GPRC5B: variants seen among roughly 807,000 people sequenced by gnomAD.
GPRC5B encodes G protein-coupled receptor class C group 5 member B, also known as G protein-coupled receptor family C group 5 member B.
A neutral mutation model predicts 30.1 loss-of-function variants in GPRC5B; 16 were observed. That is an observed-to-expected ratio of 0.53 (90% CI 0.36 to 0.81). The LOEUF is 0.81. Among genes scored for constraint, GPRC5B ranks in the 30% least tolerant of loss-of-function variants. The pLI is 0.01. For synonymous variants in GPRC5B, 241 were observed against 239.5 expected (o/e 1.01, Z -0.06); for missense variants, 428 against 544.7 (o/e 0.79, Z 2.13).
Position 19,858,282 on chromosome 16 carries a change from TA to T in GPRC5B, c.*2217del. Reference sequence around the variant, plus strand: ...CCACTCTCAACCTTAAAAGCCAAAATAAAACAAAACCCTAAGTGCGATAACA... The same window carrying T: ...CCACTCTCAACCTTAAAAGCCAAAATAAACAAAACCCTAAGTGCGATAACA... On this transcript the variant is annotated 3_prime_UTR_variant, in exon 4 of 4. Transcript: ENST00000300571. 1 of 410,502 alleles carries T rather than the reference TA, an allele frequency of 2.4e-6. No homozygotes were observed. The highest frequency in any genetic ancestry group is 3.6e-5 in the East Asian group (1 of 27,808). 25.4% of individuals were successfully genotyped at this position (410,502 alleles called of 1,614,324 possible).
Position 19,872,129 on chromosome 16 carries a change from TG to T in GPRC5B, c.716del (p.Thr239LysfsTer13). The T allele has an allele frequency of 6.2e-7, 1 of 1,614,022 alleles. No individual in the cohort carries two copies. The highest frequency in any genetic ancestry group is 8.5e-7 in the Non-Finnish European group (1 of 1,179,982). ...CCCAGATGAGCACAGAGAGGAAGGCTGTGATGAGGAGGAAGGCCCCGTTCAG... is the reference window on the plus strand; with the variant it reads ...CCCAGATGAGCACAGAGAGGAAGGCTTGATGAGGAGGAAGGCCCCGTTCAG... The part of the protein sequence containing the change: ...WKLNGAFLLI[T>X]AFLSVLIWVA... On this transcript the variant is annotated frameshift_variant, in exon 2 of 4. Coordinates refer to ENST00000300571, the MANE Select transcript of GPRC5B (RefSeq NM_016235.3). LOFTEE classifies it high-confidence loss of function. This position sits in a 1 kb window ranked among gnomAD's most constrained non-coding sequence, Gnocchi z 5.0.
rs2056577315 is a variant in GPRC5B, at chr16:19,857,542, G to C, written c.*2958C>G. ...TAAATATATATTATCTATCAAAAGT[G>C]AGCCTTAGCTCTTCATCAGTTAATA... is the stretch of plus-strand genomic sequence containing the variant. On this transcript the variant is annotated 3_prime_UTR_variant, in exon 4 of 4. Coordinates refer to ENST00000300571, the MANE Select transcript of GPRC5B (RefSeq NM_016235.3). The C allele has an allele frequency of 2.5e-6, 1 of 392,524 alleles. No homozygotes were observed. Among genetic ancestry groups the C allele is most frequent in the African/African-American group, 2.2e-5 (1 of 45,988 alleles). 24.3% of individuals were successfully genotyped at this position (392,524 alleles called of 1,614,324 possible).
chr16:19,876,398 C>T (rs2056759240), intron 1 of GPRC5B, among the ~76,000 whole-genome samples: 1 of 152,206 alleles, frequency 6.6e-6, no homozygotes, highest in South Asian at 2.1e-4. Flanking sequence ...GTGGAGCAAG[C>T]CTGGTTTAGG....
chr16:19,878,422 C>T (rs1260114265), intron 1 of GPRC5B, among the ~76,000 whole-genome samples: 1 of 151,904 alleles, frequency 6.6e-6, no homozygotes, highest in Non-Finnish European at 1.5e-5. Flanking sequence ...TATCCTGCCT[C>T]AGCCTCCCAG....
intron 1 of GPRC5B, among the ~76,000 whole-genome samples, chr16:19,879,287 G>A (rs2056784275): frequency 6.6e-6 from 1 of 152,166 alleles, no homozygotes; most frequent in South Asian, 2.1e-4. Context: ...TTCTCAAAAG[G>A]AGTAATGAAT....
chr16:19,872,801 G>A lies in GPRC5B; in HGVS notation c.45C>T (p.Leu15=), dbSNP rs889246977. ...TGATCACGAAGAGCAGGAGGAAGGT[G>A]AGCACCTGGTGAGCTCTCATCTTTC... ...SERKMRAHQV[L]TFLLLFVITS... The change falls in exon 2 of 4, where the codon CTC becomes CTT. Residue 15 remains leucine (L), a synonymous_variant. Transcript: ENST00000300571. The surrounding 1 kb of genome is among the most constrained non-coding windows in gnomAD (Gnocchi z 5.0). 22 of 1,613,736 alleles carry A rather than the reference G, an allele frequency of 1.4e-5. No homozygotes were observed. The highest frequency in any genetic ancestry group is 1.8e-5 in the Non-Finnish European group (21 of 1,179,944).
Position 19,860,228 on chromosome 16 carries a change from T to C in GPRC5B, c.*272A>G, listed in dbSNP as rs888109829. The C allele has an allele frequency of 9.5e-6, 4 of 423,094 alleles. No homozygotes were observed. The highest frequency in any genetic ancestry group is 4.8e-5 in the East Asian group (1 of 20,760). 26.2% of individuals were successfully genotyped at this position (423,094 alleles called of 1,614,324 possible). On this transcript the variant is annotated 3_prime_UTR_variant, in exon 4 of 4. Transcript: ENST00000300571. ...CATTTTCCAGTGAGCCTAATACTAT[T>C]TGCAATTAGCTTTGCTTTAGTTTGC...
chr16:19,858,583 G>T lies in GPRC5B; in HGVS notation c.*1917C>A. On this transcript the variant is annotated 3_prime_UTR_variant, in exon 4 of 4. Coordinates refer to ENST00000300571, the MANE Select transcript of GPRC5B (RefSeq NM_016235.3). ...TGTGTAATGCTGTCGTTTTTTCACC[G>T]GACAGGACCGAGGTGTTTGAAGATT... is the stretch of plus-strand genomic sequence containing the variant. The T allele has an allele frequency of 1.5e-6, 1 of 647,156 alleles. No individual in the cohort carries two copies. Among genetic ancestry groups the T allele is most frequent in the Non-Finnish European group, 2.8e-6 (1 of 357,652 alleles). The allele number at this position is 647,156 out of a possible 1,614,324, so 40.1% of individuals were successfully genotyped here.
At chr16:19,884,946 C>A (rs1274619986), upstream of GPRC5B, 2 of 898,098 alleles carry the variant, frequency 2.2e-6, no homozygotes, top group Non-Finnish European at 2.7e-6. Flanking sequence ...CGGCCGGCCC[C>A]GCCCCCGGGC....
intron 1 of GPRC5B, among the ~76,000 whole-genome samples, chr16:19,880,355 T>C (rs1437624875): frequency 6.7e-6 from 1 of 149,394 alleles, no homozygotes; most frequent in Non-Finnish European, 1.5e-5. Context: ...TCTGGAAGGC[T>C]GAGGTGGGAG....
intron 1 of GPRC5B, among the ~76,000 whole-genome samples, chr16:19,882,582 CAGAGCCCCTTGG>C (rs1244964521): frequency 1.3e-5 from 2 of 152,132 alleles, no homozygotes; most frequent in Non-Finnish European, 2.9e-5. Flanking sequence ...CAAGGCTGGA[CAGAGCCCCTTGG>C]AGGCTCCCAG....
At chr16:19,869,069 CTG>C (rs1470072021) in intron 2 of GPRC5B, among the ~76,000 whole-genome samples, 1 of 152,168 alleles carries the variant, frequency 6.6e-6, no homozygotes, top group Non-Finnish European at 1.5e-5. Flanking sequence ...TGGCTCATGT[CTG>C]TAATCCCAGC....
rs568428430 is a variant in GPRC5B at position 19,874,360 on chromosome 16, T to C, written c.-1-1514A>G. ...CAGCTCTGATGCCATCAACTCAGAC[T>C]TGGCCAAGGTCACACCCCAGTCCTC... On this transcript the variant is annotated intron_variant, in intron 1 of 3. Coordinates refer to ENST00000300571, the MANE Select transcript of GPRC5B (RefSeq NM_016235.3). Among the ~76,000 whole-genome samples, 44 of 152,298 alleles carry C rather than the reference T, an allele frequency of 2.9e-4. No homozygotes were observed. In the South Asian group the frequency reaches 3.5e-3, roughly 12 times the overall value.
chr16:19,885,339 C>T (rs1052666167), upstream of GPRC5B: 29 of 1,205,612 alleles, frequency 2.4e-5, no homozygotes, highest in Non-Finnish European at 3.1e-5. The surrounding 1 kb of genome is among the most constrained non-coding windows in gnomAD (Gnocchi z 5.3). Context: ...AGGATCGATC[C>T]CGCCCGGTGC....
chr16:19,862,027 TG>T (rs2056629369), intron 2 of GPRC5B, 54 bp from the exon 3 acceptor site: 1 of 1,598,150 alleles, frequency 6.3e-7, no homozygotes, highest in Non-Finnish European at 8.6e-7. Flanking sequence ...GACACAATTT[TG>T]TTTTCTTCCC....
chr16:19,861,620 A>G (rs1300509122), intron 3 of GPRC5B, among the ~76,000 whole-genome samples: 6 of 152,224 alleles, frequency 3.9e-5, no homozygotes, highest in African/African-American at 1.4e-4. Context: ...AAACGAATCT[A>G]CAGATGGTTT....
intron 1 of GPRC5B, among the ~76,000 whole-genome samples, chr16:19,879,660 A>T (rs2056788702): frequency 6.6e-6 from 1 of 152,150 alleles, no homozygotes; most frequent in African/African-American, 2.4e-5. Context: ...CCAGTTTCCG[A>T]TAATGTCCCC....
chr16:19,874,091 T>C (rs950810059), intron 1 of GPRC5B, among the ~76,000 whole-genome samples: 17 of 152,188 alleles, frequency 1.1e-4, no homozygotes, highest in African/African-American at 3.9e-4. Flanking sequence ...CAAAAGCAGC[T>C]GTCTTCCTTG....
intron 2 of GPRC5B, among the ~76,000 whole-genome samples, chr16:19,866,753 G>A (rs776173257): frequency 4.6e-5 from 7 of 152,154 alleles, no homozygotes; most frequent in Non-Finnish European, 8.8e-5. Flanking sequence ...TTGCCACCAA[G>A]AAGGAGTAAT....
Sources: allele counts gnomAD v4.1 joint callset (sites outside exome capture counted in the v4.1 genomes callset), GRCh38; gene constraint gnomAD v4.1.1; non-coding constraint Gnocchi (gnomAD v3.1); transcripts MANE v1.5; gene names NCBI Gene and HGNC (gene_info 2026-07-23, HGNC 2026-07-21).